MYO5B: variants seen among roughly 807,000 people sequenced by gnomAD.
The protein encoded by MYO5B is myosin VB, also known as unconventional myosin-Vb.
In MYO5B, 143 loss-of-function variants were observed where a neutral mutation model predicts 229.3. The observed-to-expected ratio is 0.62, with a 90% CI of 0.54 to 0.72. MYO5B has a LOEUF of 0.72. Among genes scored for constraint, MYO5B ranks in the 30% least tolerant of loss-of-function variants. The probability of loss-of-function intolerance (pLI) is 0.00; values close to 1 mark genes in which losing one functional copy is unlikely to be tolerated. For missense variants in MYO5B, 2,321 were observed against 2,331.0 expected, an observed-to-expected ratio of 1.00 and a Z score of 0.09; for synonymous variants, 918 against 885.2, an observed-to-expected ratio of 1.04 and a Z score of -0.66.
intron 17 of MYO5B, among the ~76,000 whole-genome samples, chr18:49,929,082 C>T (rs2025160395): frequency 6.6e-6 from 1 of 152,012 alleles, no homozygotes; most frequent in Admixed American, 6.6e-5. Flanking sequence ...ATTCATGTAA[C>T]CAAACACCAC....
At chr18:50,192,027 T>C (rs1254840982) in intron 1 of MYO5B, among the ~76,000 whole-genome samples, 2 of 151,680 alleles carry the variant, frequency 1.3e-5, no homozygotes, top group Non-Finnish European at 2.9e-5. Flanking sequence ...GACGAAGCGA[T>C]GTCAAAGATG....
At chr18:49,912,020 G>T (rs745584425) in intron 18 of MYO5B, 42 bp downstream of exon 18, 3 of 1,492,724 alleles carry the variant, frequency 2.0e-6, no homozygotes, top group South Asian at 2.3e-5. Flanking sequence ...ATCTTTAGGG[G>T]ACCTGGTCAG....
At chr18:50,052,696 A>G (rs922237262) in intron 2 of MYO5B, among the ~76,000 whole-genome samples, 1 of 24,316 alleles carries the variant, frequency 4.1e-5, no homozygotes, top group African/African-American at 1.1e-4. Context: ...CCTAAAACTT[A>G]AAGTATAATA....
chr18:49,883,931 C>T (rs1420116845), intron 22 of MYO5B, among the ~76,000 whole-genome samples: 6 of 152,098 alleles, frequency 3.9e-5, no homozygotes, highest in Admixed American at 2.0e-4. Flanking sequence ...GAAGCTGGAC[C>T]ACTACCTCAT....
chr18:49,910,199 G>C (rs758229229), intron 18 of MYO5B, among the ~76,000 whole-genome samples: 1 of 152,248 alleles, frequency 6.6e-6, no homozygotes, highest in Non-Finnish European at 1.5e-5. Flanking sequence ...GCCCCAGGCA[G>C]TGGCATGTGG....
At chr18:50,185,641 A>G (rs752480891) in intron 1 of MYO5B, among the ~76,000 whole-genome samples, 18 of 152,344 alleles carry the variant, frequency 1.2e-4, no homozygotes, top group Non-Finnish European at 1.9e-4. Flanking sequence ...AATCACTTGA[A>G]CCCCATAAAT....
At chr18:50,043,422 T>G (rs1205106231) in intron 2 of MYO5B, among the ~76,000 whole-genome samples, 2 of 117,840 alleles carry the variant, frequency 1.7e-5, no homozygotes, top group Non-Finnish European at 3.3e-5. Context: ...AATATTTAAA[T>G]ATATTTAAAT....
At position 50,001,271 on chromosome 18, in the gene MYO5B, G is replaced by A; in HGVS notation, c.596C>T (p.Ser199Phe). ...ETNIEEKVLASSPIMEAIGNA... is the reference protein window; with the variant it reads ...ETNIEEKVLAFSPIMEAIGNA... ...AGGCTTTACCTCCATGATGGGACTGGATGCCAGCACCTTCTCTTCGATGTT... is the reference window on the plus strand; with the variant it reads ...AGGCTTTACCTCCATGATGGGACTGAATGCCAGCACCTTCTCTTCGATGTT... Residue 199 changes from serine (S) to phenylalanine (F), a missense_variant, in exon 5 of 40, where the codon TCC (serine) becomes TTC (phenylalanine). Transcript: ENST00000285039. The A allele has an allele frequency of 6.2e-7, 1 of 1,614,188 alleles. No homozygotes were observed. Among genetic ancestry groups the A allele is most frequent in the Non-Finnish European group, 8.5e-7 (1 of 1,180,012 alleles).
intron 3 of MYO5B, among the ~76,000 whole-genome samples, chr18:50,037,972 C>T (rs1191190989): frequency 1.3e-5 from 2 of 152,178 alleles, no homozygotes; most frequent in Non-Finnish European, 2.9e-5. Flanking sequence ...CACCACATCT[C>T]AACTTTTTTC....
rs1473750436 is a variant in MYO5B at position 49,879,070 on chromosome 18, C to G, written c.3151G>C (p.Val1051Leu). 6 of 1,613,976 alleles carry G rather than the reference C, an allele frequency of 3.7e-6. No individual in the cohort carries two copies. In the East Asian group the frequency reaches 1.1e-4, roughly 30 times the overall value. The part of the protein sequence containing the change: ...QSKDEFAQNS[V>L]KENLMKKELE... ...TCTTTCTTCATGAGATTTTCCTTCA[C>G]AGAGTTCTGGGCAAATTCATCTGGA... The change falls in exon 24 of 40, where the codon GTG becomes CTG. Residue 1051 changes from valine to leucine, a missense_variant. Physicochemically the swap from Val to Leu is conservative, Grantham distance 32. Around this residue, in one of 2 missense-constraint regions of MYO5B, gnomAD observed 2,113 missense variants for 2,044.7 expected, o/e 1.03. Coordinates refer to ENST00000285039, the MANE Select transcript of MYO5B (RefSeq NM_001080467.3).
chr18:49,930,182 T>C (rs924549905), intron 16 of MYO5B, among the ~76,000 whole-genome samples: 2 of 152,308 alleles, frequency 1.3e-5, no homozygotes, highest in African/African-American at 4.8e-5. Context: ...ATCAGGTTAG[T>C]GTGAAGCTTA....
At chr18:49,943,171 A>T (rs1171383050) in intron 14 of MYO5B, among the ~76,000 whole-genome samples, 13 of 139,812 alleles carry the variant, frequency 9.3e-5, no homozygotes, top group South Asian at 7.0e-4. Context: ...AACAATGAGA[A>T]CACATGGACA....
At chr18:50,173,981 A>G (rs1307698209) in intron 1 of MYO5B, among the ~76,000 whole-genome samples, 1 of 152,186 alleles carries the variant, frequency 6.6e-6, no homozygotes. Context: ...TTGGCATTGG[A>G]ATCAGACTGA....
intron 32 of MYO5B, among the ~76,000 whole-genome samples, chr18:49,848,273 C>T (rs545642063): frequency 4.3e-4 from 66 of 151,892 alleles, no homozygotes; most frequent in African/African-American, 1.4e-3. Flanking sequence ...AAGGACCCCA[C>T]GGAGGAGGTG....
chr18:49,990,307 G>C, intron 7 of MYO5B, 132 bp downstream of exon 7: 1 of 733,190 alleles, frequency 1.4e-6, no homozygotes, highest in Non-Finnish European at 2.4e-6. Flanking sequence ...GAGAGGCCTA[G>C]GGGTTATGGC....
At chr18:49,833,766 C>G (rs2023953247) in intron 39 of MYO5B, among the ~76,000 whole-genome samples, 3 of 152,288 alleles carry the variant, frequency 2.0e-5, no homozygotes, top group African/African-American at 7.2e-5. Context: ...TATAATGGGT[C>G]CAGGTTCAGA....
chr18:50,053,581 T>A (rs1261408088), intron 2 of MYO5B, among the ~76,000 whole-genome samples: 1 of 152,166 alleles, frequency 6.6e-6, no homozygotes, highest in African/African-American at 2.4e-5. Context: ...CATAATTCCA[T>A]CTGTTGGGAG....
At chr18:49,921,043 A>G (rs892356538) in intron 17 of MYO5B, among the ~76,000 whole-genome samples, 1 of 152,186 alleles carries the variant, frequency 6.6e-6, no homozygotes, top group Non-Finnish European at 1.5e-5. Context: ...AAGGGAAGTA[A>G]CTGTGCGTCT....
Position 50,056,564 on chromosome 18 carries a change from C to A in MYO5B, c.28-1186G>T, listed in dbSNP as rs1270110251. Among the ~76,000 whole-genome samples, 3 of 152,284 alleles carry A rather than the reference C, an allele frequency of 2.0e-5. No individual in the cohort carries two copies. In the East Asian group the frequency reaches 5.8e-4, roughly 29 times the overall value. On this transcript the variant is annotated intron_variant, in intron 1 of 39. Transcript: ENST00000285039. ...TAGAATATTATCAGGAAACCTGAAACAACTGGTTCTTTTGACCAAAAGCTC... is the reference window on the plus strand; with the variant it reads ...TAGAATATTATCAGGAAACCTGAAAAAACTGGTTCTTTTGACCAAAAGCTC...
Sources: allele counts gnomAD v4.1 joint callset (sites outside exome capture counted in the v4.1 genomes callset), GRCh38; gene constraint gnomAD v4.1.1; regional missense constraint gnomAD v4.1.1; transcripts MANE v1.5; gene names NCBI Gene and HGNC (gene_info 2026-07-23, HGNC 2026-07-21).